Variants in TSC22D3 observed in about 807,000 individuals in gnomAD.
TSC22D3 encodes TSC22 domain family protein 3.
A neutral mutation model predicts 11.1 loss-of-function variants in TSC22D3; 4 were observed. The observed-to-expected ratio is 0.36, with a 90% CI of 0.18 to 0.83. The LOEUF is 0.83. Ranked by LOEUF, TSC22D3 falls within the 40% of genes least tolerant of loss-of-function variation. TSC22D3 has a pLI of 0.48. For synonymous variants in TSC22D3, 77 were observed against 70.3 expected (o/e 1.10, Z -0.48); for missense variants, 118 against 159.4 (o/e 0.74, Z 1.40).
chrX:107,772,125 T>G (rs1374756565), intron 1 of TSC22D3, among the ~76,000 whole-genome samples: 1 of 111,647 alleles, frequency 9.0e-6, no homozygotes, highest in African/African-American at 3.3e-5. Context: ...AGAACGAAGC[T>G]GGGAGCCAGG....
chrX:107,721,843 A>G, intron 1 of TSC22D3: 1 of 513,680 alleles, frequency 1.9e-6, no homozygotes, highest in Non-Finnish European at 3.6e-6. Context: ...AGCACTGTCT[A>G]GTTCTAATTA....
intron 1 of TSC22D3, among the ~76,000 whole-genome samples, chrX:107,718,367 T>C (rs1220199752): frequency 8.9e-6 from 1 of 112,503 alleles, no homozygotes; most frequent in Non-Finnish European, 1.9e-5. Context: ...TTCCACCACA[T>C]ATACAACAGT....
chrX:107,740,207 G>A (rs748728670), intron 1 of TSC22D3, among the ~76,000 whole-genome samples: 1 of 111,864 alleles, frequency 8.9e-6, no homozygotes, highest in South Asian at 3.7e-4. Context: ...CAAAGCCTGA[G>A]CTCATTACGC....
chrX:107,762,668 C>T (rs1221900242), intron 1 of TSC22D3, among the ~76,000 whole-genome samples: 1 of 109,710 alleles, frequency 9.1e-6, no homozygotes, highest in Admixed American at 9.8e-5. Context: ...TGTCCACCTC[C>T]TCTGAATGCT....
At chrX:107,726,731 C>A (rs766621932) in intron 1 of TSC22D3, among the ~76,000 whole-genome samples, 54 of 110,810 alleles carry the variant, frequency 4.9e-4, no homozygotes, top group Non-Finnish European at 9.1e-4. Flanking sequence ...GTGGGTGGGG[C>A]CTCTGTGGCA....
At chrX:107,748,827 C>T (rs1347828499) in intron 1 of TSC22D3, among the ~76,000 whole-genome samples, 1 of 112,059 alleles carries the variant, frequency 8.9e-6, no homozygotes, top group East Asian at 2.8e-4. Flanking sequence ...TATGCAAATG[C>T]GAGGGATTAT....
At chrX:107,719,130 G>C (rs1247411463) in intron 1 of TSC22D3, among the ~76,000 whole-genome samples, 1 of 111,898 alleles carries the variant, frequency 8.9e-6, no homozygotes, top group Non-Finnish European at 1.9e-5. Flanking sequence ...AAAGGGGACA[G>C]AGAAATAAGC....
intron 1 of TSC22D3, chrX:107,716,583 G>A: frequency 1.2e-6 from 1 of 822,765 alleles, no homozygotes; most frequent in South Asian, 3.0e-5. Context: ...GCTGCACCGC[G>A]GGGAACAGGG....
chrX:107,716,053 C>T lies in TSC22D3; in HGVS notation c.321-103G>A, dbSNP rs759900597. The T allele has an allele frequency of 3.4e-6, 3 of 893,783 alleles. No individual in the cohort carries two copies. The African/African-American group carries it at 5.9e-5, about 17-fold the overall frequency. The allele number at this position is 893,783 out of a possible 1,213,427, so 73.7% of individuals were successfully genotyped here. ...CTCCATCTGCCTCGGCTCTTCCTCT[C>T]TCTCTCCTTCTCGCCTCCCTGGCCC... is the stretch of plus-strand genomic sequence containing the variant. On this transcript the variant is annotated intron_variant, in intron 1 of 2. Transcript: ENST00000372383.
In TSC22D3 at chrX:107,728,254, A is replaced by G. The variant is rs184888894; in HGVS notation, c.321-12304T>C. Among the ~76,000 whole-genome samples the G allele has an allele frequency of 2.8e-4, 32 of 112,691 alleles. No individual in the cohort carries two copies. In the East Asian group the frequency reaches 6.9e-3, roughly 24 times the overall value. On this transcript the variant is annotated intron_variant, in intron 1 of 2. Transcript: ENST00000372383. ...TCATGAATTAGTCTTCTGTTAGTTA[A>G]CACTTTAATTTGGGGACAATCATTG...
intron 1 of TSC22D3, among the ~76,000 whole-genome samples, chrX:107,762,158 G>A (rs1929468488): frequency 8.9e-6 from 1 of 112,066 alleles, no homozygotes; most frequent in African/African-American, 3.2e-5. Context: ...TCTTGTTTGT[G>A]TGCATGAAGA....
At chrX:107,717,196 T>C in intron 1 of TSC22D3, 1 of 528,078 alleles carries the variant, frequency 1.9e-6, no homozygotes, top group Non-Finnish European at 2.4e-6. Flanking sequence ...AACCTTAGGC[T>C]GGGACTGTAA....
chrX:107,767,868 T>C (rs1400583812), intron 1 of TSC22D3, among the ~76,000 whole-genome samples: 5 of 112,148 alleles, frequency 4.5e-5, no homozygotes, highest in Admixed American at 9.4e-5. Flanking sequence ...TGGGCCATTA[T>C]TGTTCTCTTT....
intron 1 of TSC22D3, chrX:107,716,665 C>T (rs1927060035): frequency 8.5e-7 from 1 of 1,181,394 alleles, no homozygotes; most frequent in Non-Finnish European, 1.1e-6. Flanking sequence ...GCTCGGGAGG[C>T]GCCGGAGCTG....
At chrX:107,764,388 G>T (rs1052783159) in intron 1 of TSC22D3, among the ~76,000 whole-genome samples, 2 of 112,422 alleles carry the variant, frequency 1.8e-5, no homozygotes, top group Admixed American at 1.9e-4. Flanking sequence ...GGGCACAGGT[G>T]TGTCCAAGAC....
chrX:107,760,284 A>T (rs1929379603), intron 1 of TSC22D3, among the ~76,000 whole-genome samples: 2 of 112,492 alleles, frequency 1.8e-5, no homozygotes, highest in Admixed American at 1.9e-4. Context: ...TATTAAACAA[A>T]ATCAAATTTA....
At chrX:107,775,864 C>G (rs989483274), upstream of TSC22D3, 3 of 116,894 alleles carry the variant, frequency 2.6e-5, no homozygotes, top group African/African-American at 9.7e-5. Flanking sequence ...TCCCTCCCTC[C>G]CCGGTTTGCA....
At chrX:107,717,145 T>A in intron 1 of TSC22D3, 2 of 799,298 alleles carry the variant, frequency 2.5e-6, no homozygotes, top group Non-Finnish European at 3.0e-6. Flanking sequence ...ATGAGTCCTG[T>A]ACCGGGCTTT....
chrX:107,740,677 G>A (rs1928364459), intron 1 of TSC22D3, among the ~76,000 whole-genome samples: 1 of 111,139 alleles, frequency 9.0e-6, no homozygotes, highest in Admixed American at 9.6e-5. Flanking sequence ...AGGATGGGCA[G>A]CAGAGTGCCC....
Sources: allele counts gnomAD v4.1 joint callset (sites outside exome capture counted in the v4.1 genomes callset), GRCh38; gene constraint gnomAD v4.1.1; transcripts MANE v1.5; gene names NCBI Gene and HGNC (gene_info 2026-07-23, HGNC 2026-07-21).